Variants in CTNNA3 observed in about 807,000 individuals in gnomAD.
CTNNA3 encodes the protein catenin alpha 3.
Under a neutral mutation model 95.7 loss-of-function variants are expected in CTNNA3, and 76 were observed. That is an observed-to-expected ratio of 0.79 (90% CI 0.66 to 0.96). The LOEUF is 0.96. Among genes scored for constraint, CTNNA3 ranks in the 40% least tolerant of loss-of-function variants. The pLI is 0.00. For synonymous variants in CTNNA3, 431 were observed against 374.4 expected, an observed-to-expected ratio of 1.15 and a Z score of -1.74; for missense variants, 1,191 against 1,089.8, an observed-to-expected ratio of 1.09 and a Z score of -1.31.
intron 7 of CTNNA3, among the ~76,000 whole-genome samples, chr10:66,992,568 T>C (rs1445438851): frequency 2.0e-5 from 3 of 152,260 alleles, no homozygotes; most frequent in Middle Eastern, 3.4e-3. Context: ...AAATTTAAAT[T>C]CTAATGAATA....
At chr10:67,647,605 C>T in intron 1 of CTNNA3, 87 bp from the exon 2 acceptor site, 2 of 1,041,966 alleles carry the variant, frequency 1.9e-6, no homozygotes, top group Non-Finnish European at 2.9e-6. Flanking sequence ...ATAGGTAAAA[C>T]TTGTATTCAG....
chr10:66,525,974 A>G (rs1841244132), intron 10 of CTNNA3, among the ~76,000 whole-genome samples: 2 of 152,178 alleles, frequency 1.3e-5, no homozygotes, highest in Non-Finnish European at 2.9e-5. Context: ...TGTAGTATGC[A>G]TCAGAATTTC....
chr10:67,289,319 C>G (rs757059007), intron 5 of CTNNA3, among the ~76,000 whole-genome samples: 2 of 152,046 alleles, frequency 1.3e-5, no homozygotes, highest in Non-Finnish European at 1.5e-5. Context: ...TGCAAATAGC[C>G]TAAGTTTTAA....
chr10:66,910,073 T>C (rs1846157221), intron 7 of CTNNA3, among the ~76,000 whole-genome samples: 1 of 152,156 alleles, frequency 6.6e-6, no homozygotes, highest in Non-Finnish European at 1.5e-5. Flanking sequence ...CCCTAGAAAA[T>C]GTTTATGAAG....
chr10:67,026,459 T>A (rs191444021), intron 7 of CTNNA3, among the ~76,000 whole-genome samples: 239 of 151,996 alleles, frequency 1.6e-3, no homozygotes, highest in Non-Finnish European at 2.8e-3. Context: ...CAAAATAATA[T>A]AACAAAACAA....
intron 15 of CTNNA3, among the ~76,000 whole-genome samples, chr10:66,045,751 T>A (rs1454920447): frequency 6.6e-6 from 1 of 152,206 alleles, no homozygotes; most frequent in African/African-American, 2.4e-5. Flanking sequence ...TTCCTTTTTT[T>A]CTTCTAGGCT....
At chr10:66,045,304 C>A (rs536215835) in intron 15 of CTNNA3, among the ~76,000 whole-genome samples, 1 of 152,180 alleles carries the variant, frequency 6.6e-6, no homozygotes, top group Non-Finnish European at 1.5e-5. Context: ...GACACTCCTG[C>A]CACAGTGCTA....
At chr10:66,994,831 T>C (rs716546) in intron 7 of CTNNA3, among the ~76,000 whole-genome samples, 71,450 of 152,004 alleles carry the variant, frequency 0.47, 17,328 homozygotes, top group African/African-American at 0.55. Flanking sequence ...TGAGAATTTC[T>C]ATACATTGTA....
chr10:66,779,234 A>G (rs904393417), intron 7 of CTNNA3, among the ~76,000 whole-genome samples: 2 of 152,116 alleles, frequency 1.3e-5, no homozygotes, highest in African/African-American at 4.8e-5. Flanking sequence ...GGTCTTTTCT[A>G]TTCTCTGCAA....
chr10:66,350,129 C>G (rs1281912462), intron 12 of CTNNA3, among the ~76,000 whole-genome samples: 1 of 152,056 alleles, frequency 6.6e-6, no homozygotes, highest in African/African-American at 2.4e-5. Context: ...AAATTGGGTA[C>G]TTTGTTGAGA....
chr10:66,057,097 A>C (rs1169169247), intron 15 of CTNNA3, among the ~76,000 whole-genome samples: 1 of 152,144 alleles, frequency 6.6e-6, no homozygotes, highest in Non-Finnish European at 1.5e-5. Flanking sequence ...ATCCCATCAG[A>C]AAATACTAGA....
chr10:67,521,765 C>T, intron 5 of CTNNA3, 77 bp downstream of exon 5: 1 of 1,551,300 alleles, frequency 6.4e-7, no homozygotes. Context: ...CTCAGACCCA[C>T]CTGCACCTCT....
chr10:67,605,977 T>G (rs1229437284), intron 3 of CTNNA3, among the ~76,000 whole-genome samples: 2 of 152,188 alleles, frequency 1.3e-5, no homozygotes, highest in Admixed American at 6.6e-5. Context: ...GGCCAAAAAT[T>G]TTTTTTAAAT....
At chr10:67,373,215 G>A (rs1843551329) in intron 5 of CTNNA3, among the ~76,000 whole-genome samples, 1 of 152,108 alleles carries the variant, frequency 6.6e-6, no homozygotes, top group Non-Finnish European at 1.5e-5. Context: ...TCAGAGTGCT[G>A]TATTCAGGAA....
chr10:67,080,918 AAAAAAAC>A (rs1382957677), intron 7 of CTNNA3, among the ~76,000 whole-genome samples: 10 of 99,002 alleles, frequency 1.0e-4, no homozygotes, highest in African/African-American at 2.7e-4. Context: ...GAAAAAAAAC[AAAAAAAC>A]AAAAAAACAA....
intron 1 of CTNNA3, among the ~76,000 whole-genome samples, chr10:67,708,645 C>G (rs181693256): frequency 5.9e-5 from 9 of 152,188 alleles, no homozygotes; most frequent in Admixed American, 3.3e-4. Flanking sequence ...CTCAAAAGTC[C>G]TGTCTCTGTT....
At chr10:66,189,597 G>C (rs865843665) in intron 13 of CTNNA3, among the ~76,000 whole-genome samples, 3 of 79,856 alleles carry the variant, frequency 3.8e-5, no homozygotes, top group African/African-American at 2.2e-4. Flanking sequence ...AGTTACTATA[G>C]ATTTATATAT....
At chr10:67,268,359 A>AAATTAAATTAAATTAAATTAAATTAAATT (rs759024425) in intron 5 of CTNNA3, among the ~76,000 whole-genome samples, 11 of 142,754 alleles carry the variant, frequency 7.7e-5, no homozygotes, top group African/African-American at 2.8e-4. Flanking sequence ...TAAATTAAAT[A>AAATTAAATTAAATTAAATTAAATTAAATT]AATAAATAAA....
At chr10:66,241,103 G>A (rs987874623) in intron 13 of CTNNA3, among the ~76,000 whole-genome samples, 5 of 151,950 alleles carry the variant, frequency 3.3e-5, no homozygotes, top group African/African-American at 1.2e-4. Context: ...TACTGAACCA[G>A]AACAACCACA....
Sources: allele counts gnomAD v4.1 joint callset (sites outside exome capture counted in the v4.1 genomes callset), GRCh38; gene constraint gnomAD v4.1.1; transcripts MANE v1.5; gene names NCBI Gene and HGNC (gene_info 2026-07-23, HGNC 2026-07-21).